The following KCNB2 variants were observed in gnomAD, a reference collection of about 807,000 sequenced individuals.
The protein encoded by KCNB2 is delayed rectifier potassium channel protein.
Under a neutral mutation model 61.5 loss-of-function variants are expected in KCNB2, and 15 were observed. The ratio of observed to expected loss-of-function variants is 0.24; its 90% CI spans 0.16 to 0.38. KCNB2 has a LOEUF of 0.38. KCNB2 is among the 10% of genes least tolerant of loss of function. The probability of loss-of-function intolerance (pLI) is 1.00; values close to 1 mark genes in which losing one functional copy is unlikely to be tolerated. For synonymous variants in KCNB2, 457 were observed against 446.0 expected (o/e 1.02, Z -0.31); for missense variants, 828 against 1,125.2 (o/e 0.74, Z 3.78).
At chr8:72,664,379 AATAAAGTGCC>A (rs1365721394) in intron 2 of KCNB2, among the ~76,000 whole-genome samples, 3 of 152,216 alleles carry the variant, frequency 2.0e-5, no homozygotes, top group Non-Finnish European at 2.9e-5. Flanking sequence ...TGTGCTTGAG[AATAAAGTGCC>A]ATAAACACAT....
chr8:72,847,690 C>G (rs1172050016), intron 2 of KCNB2, among the ~76,000 whole-genome samples: 2 of 152,102 alleles, frequency 1.3e-5, no homozygotes, highest in African/African-American at 4.8e-5. Context: ...ATTAGAATTT[C>G]TCTATGCTCA....
intron 2 of KCNB2, among the ~76,000 whole-genome samples, chr8:72,722,874 T>C (rs1807574338): frequency 6.6e-6 from 1 of 152,214 alleles, no homozygotes; most frequent in African/African-American, 2.4e-5. Flanking sequence ...ATGCTAGATT[T>C]TGTACATACT....
chr8:72,907,956 C>T (rs1210560502), intron 2 of KCNB2, among the ~76,000 whole-genome samples: 1 of 152,168 alleles, frequency 6.6e-6, no homozygotes, highest in Non-Finnish European at 1.5e-5. Flanking sequence ...TCTACAAGAA[C>T]TGTCATCCTC....
At chr8:72,806,758 C>G (rs890014757) in intron 2 of KCNB2, among the ~76,000 whole-genome samples, 1 of 152,030 alleles carries the variant, frequency 6.6e-6, no homozygotes, top group Non-Finnish European at 1.5e-5. Context: ...AGTGATGGGA[C>G]AGGTAGTGGA....
chr8:72,909,052 A>G (rs1806230803), intron 2 of KCNB2, among the ~76,000 whole-genome samples: 1 of 152,210 alleles, frequency 6.6e-6, no homozygotes, highest in Non-Finnish European at 1.5e-5. Flanking sequence ...TCATGTACCA[A>G]GTCCTGGGGA....
At chr8:72,709,145 C>G (rs986602351) in intron 2 of KCNB2, among the ~76,000 whole-genome samples, 4 of 152,154 alleles carry the variant, frequency 2.6e-5, no homozygotes, top group East Asian at 3.9e-4. Flanking sequence ...CTGTTTGAGC[C>G]TAACCTCTTC....
chr8:72,613,304 A>G (rs2128983559), intron 2 of KCNB2, among the ~76,000 whole-genome samples: 1 of 152,318 alleles, frequency 6.6e-6, no homozygotes, highest in Non-Finnish European at 1.5e-5. Flanking sequence ...AGGCGATCAC[A>G]TCTGGCCTCT....
At chr8:72,742,809 G>C (rs2128994724) in intron 2 of KCNB2, among the ~76,000 whole-genome samples, 1 of 152,328 alleles carries the variant, frequency 6.6e-6, no homozygotes, top group South Asian at 2.1e-4. Flanking sequence ...GGATCCTGCA[G>C]TCAGCCTATG....
In KCNB2 at chr8:72,924,882, G is replaced by A. The variant is rs1000235380; in HGVS notation, c.580-11053G>A. 2.0e-5 allele frequency among the ~76,000 whole-genome samples: 3 copies of A among 152,132 alleles called. 1 individual carries two copies. Among genetic ancestry groups the A allele is most frequent in the Admixed American group, 6.5e-5 (1 of 15,270 alleles). On this transcript the variant is annotated intron_variant, in intron 2 of 2. Transcript: ENST00000523207. ...TCATAGGGCCCTGGAATGCATAGCA[G>A]CCTCCCATAACAGCAGATATAAAGT...
chr8:72,566,744 T>A (rs1273825485), intron 1 of KCNB2, among the ~76,000 whole-genome samples: 1 of 150,218 alleles, frequency 6.7e-6, no homozygotes, highest in Non-Finnish European at 1.5e-5. Context: ...GGAAAAGAAG[T>A]CTAGGCAAGT....
rs372736949 is a variant in KCNB2 at position 72,938,039 on chromosome 8, A to C, written c.2684A>C (p.His895Pro). 2 of 1,613,950 alleles carry C rather than the reference A, an allele frequency of 1.2e-6. No homozygotes were observed. The highest frequency in any genetic ancestry group is 2.7e-5 in the African/African-American group (2 of 74,936). The change falls in exon 3 of 3, where the codon CAT (histidine) becomes CCT (proline). Residue 895 changes from histidine (H) to proline (P), a missense_variant. Transcript: ENST00000523207. Reference protein sequence around the residue: ...MENHLFAPEIHSNPGDTGYCP... With the variant: ...MENHLFAPEIPSNPGDTGYCP... The stretch of plus-strand genomic sequence containing the variant: ...AATCACTTGTTTGCCCCAGAAATTC[A>C]TTCCAACCCAGGAGACACAGGTTAT...
chr8:72,582,804 A>T (rs1322605279), intron 2 of KCNB2, among the ~76,000 whole-genome samples: 5 of 152,018 alleles, frequency 3.3e-5, no homozygotes, highest in Non-Finnish European at 7.4e-5. Flanking sequence ...TTTTTTTTGT[A>T]GAGACGAGGT....
At chr8:72,832,701 A>G (rs537042348) in intron 2 of KCNB2, among the ~76,000 whole-genome samples, 9 of 152,334 alleles carry the variant, frequency 5.9e-5, no homozygotes, top group Admixed American at 1.3e-4. Context: ...TCAGAGACAA[A>G]GGACTTTATT....
intron 2 of KCNB2, among the ~76,000 whole-genome samples, chr8:72,632,762 A>T (rs1355827080): frequency 6.6e-6 from 1 of 152,190 alleles, no homozygotes; most frequent in African/African-American, 2.4e-5. Flanking sequence ...CATCGACAAA[A>T]TTAACTGCTG....
intron 1 of KCNB2, among the ~76,000 whole-genome samples, chr8:72,545,411 CA>C (rs1806245124): frequency 6.6e-6 from 1 of 152,150 alleles, no homozygotes. Flanking sequence ...CTCTGTGTCA[CA>C]TTTTGGTAAT....
At chr8:72,576,789 A>G (rs539191616) in intron 2 of KCNB2, among the ~76,000 whole-genome samples, 59 of 152,318 alleles carry the variant, frequency 3.9e-4, no homozygotes, top group African/African-American at 1.4e-3. Flanking sequence ...ACATTGAAGG[A>G]CTTGAAGAGA....
intron 2 of KCNB2, among the ~76,000 whole-genome samples, chr8:72,596,787 A>G (rs1017193907): frequency 7.4e-4 from 113 of 152,176 alleles, no homozygotes; most frequent in African/African-American, 2.7e-3. Context: ...ATCATCTTCC[A>G]TCATTGTTGC....
intron 2 of KCNB2, among the ~76,000 whole-genome samples, chr8:72,868,075 A>AT (rs760574895): frequency 0.022 from 3,022 of 135,392 alleles, 101 homozygotes; most frequent in African/African-American, 0.073. Context: ...TTTATTATTT[A>AT]TTTTTTTTTT....
At chr8:72,581,899 T>C (rs966487784) in intron 2 of KCNB2, among the ~76,000 whole-genome samples, 2 of 152,164 alleles carry the variant, frequency 1.3e-5, no homozygotes, top group African/African-American at 4.8e-5. Context: ...ACTCTTGTCA[T>C]AGGTAAAGTG....
Sources: gnomAD v4.1 joint callset for allele counts (sites outside exome capture counted in the v4.1 genomes callset) on GRCh38, gnomAD v4.1.1 for gene constraint, MANE v1.5 for transcripts, NCBI Gene and HGNC (gene_info 2026-07-23, HGNC 2026-07-21) for gene names.